PTPRD: variants seen among roughly 807,000 people sequenced by gnomAD.
PTPRD encodes receptor-type tyrosine-protein phosphatase delta.
PTPRD carries 34 observed loss-of-function variants against 214.5 expected under a neutral mutation model. The ratio of observed to expected loss-of-function variants is 0.16; its 90% CI spans 0.12 to 0.21. The LOEUF (loss-of-function observed/expected upper bound fraction) is 0.21. Ranked by LOEUF, PTPRD falls within the 10% of genes least tolerant of loss-of-function variation. The probability of loss-of-function intolerance (pLI) is 1.00; values close to 1 mark genes in which losing one functional copy is unlikely to be tolerated. For missense variants in PTPRD, 2,545 were observed against 2,398.7 expected (o/e 1.06, Z -1.27); for synonymous variants, 1,128 against 845.7 (o/e 1.33, Z -5.79).
chr9:8,770,030 C>A (rs939065118), intron 11 of PTPRD, among the ~76,000 whole-genome samples: 12 of 152,246 alleles, frequency 7.9e-5, no homozygotes, highest in African/African-American at 2.6e-4. Flanking sequence ...CCTGTAATCC[C>A]AGCACTTTGG....
intron 10 of PTPRD, among the ~76,000 whole-genome samples, chr9:9,058,474 G>T (rs1160742900): frequency 1.2e-4 from 3 of 24,986 alleles, no homozygotes; most frequent in African/African-American, 1.2e-4. Context: ...TTTTTGAGAC[G>T]GAGTCTCGCT....
chr9:10,462,989 A>G (rs1566220443), intron 2 of PTPRD, among the ~76,000 whole-genome samples: 1 of 150,288 alleles, frequency 6.7e-6, no homozygotes, highest in Non-Finnish European at 1.5e-5. Flanking sequence ...AATATATATT[A>G]TATATATGCC....
chr9:9,690,609 C>G (rs981374847), intron 7 of PTPRD, among the ~76,000 whole-genome samples: 1 of 151,988 alleles, frequency 6.6e-6, no homozygotes. Flanking sequence ...AGTTTTAAGT[C>G]TTAGATTTAA....
At chr9:9,821,876 A>ATG (rs1180319857) in intron 5 of PTPRD, among the ~76,000 whole-genome samples, 2 of 150,728 alleles carry the variant, frequency 1.3e-5, no homozygotes, top group African/African-American at 4.9e-5. Context: ...ATGCCTGTAT[A>ATG]TGTATGTGTG....
At chr9:10,384,036 G>A (rs757950907) in intron 2 of PTPRD, among the ~76,000 whole-genome samples, 1 of 149,434 alleles carries the variant, frequency 6.7e-6, no homozygotes, top group East Asian at 2.0e-4. Context: ...GAAGGGTAGT[G>A]CAGGGACTGA....
intron 2 of PTPRD, among the ~76,000 whole-genome samples, chr9:10,546,609 G>T (rs565464824): frequency 6.6e-6 from 1 of 151,820 alleles, no homozygotes; most frequent in Non-Finnish European, 1.5e-5. Context: ...ACAATTTCCT[G>T]GGTCAAAATA....
intron 8 of PTPRD, among the ~76,000 whole-genome samples, chr9:9,543,431 A>G (rs61234875): frequency 0.23 from 34,499 of 151,550 alleles, 4,264 homozygotes; most frequent in Non-Finnish European, 0.26. Context: ...TGGGCTTCAC[A>G]TTATATCAAT....
At chr9:9,623,010 A>G (rs966875446) in intron 7 of PTPRD, among the ~76,000 whole-genome samples, 3 of 152,192 alleles carry the variant, frequency 2.0e-5, no homozygotes, top group African/African-American at 7.2e-5. Flanking sequence ...TTGTGTGGTA[A>G]TAGAAAATGT....
At position 9,536,666 on chromosome 9, in the gene PTPRD, T is replaced by C. The variant is rs536758053; in HGVS notation, c.-237+38066A>G. On this transcript the variant is annotated intron_variant, in intron 8 of 45. Transcript: ENST00000381196. ...CAGCGCCGTCATCATTTTGGCATTC[T>C]ATTTTAGTCTAAGCCTACATCAGAA... Among the ~76,000 whole-genome samples, 3 of 152,182 alleles carry C rather than the reference T, an allele frequency of 2.0e-5. No homozygotes were observed. In the East Asian group the frequency reaches 5.8e-4, roughly 30 times the overall value.
intron 11 of PTPRD, among the ~76,000 whole-genome samples, chr9:9,000,068 G>T (rs1391687836): frequency 6.6e-6 from 1 of 151,916 alleles, no homozygotes; most frequent in Non-Finnish European, 1.5e-5. Context: ...GTAACTGGAG[G>T]CTCTGTGTGT....
intron 3 of PTPRD, among the ~76,000 whole-genome samples, chr9:10,036,506 GCA>G (rs59938783): frequency 0.26 from 36,393 of 141,838 alleles, 4,563 homozygotes; most frequent in South Asian, 0.32. Flanking sequence ...ACACACTCAT[GCA>G]CACACACACA....
rs548991826 is a variant in PTPRD at position 9,892,462 on chromosome 9, G to A, written c.-368+46045C>T. ...AGATCTAGGGCACAGTGAGCCAGAC[G>A]GAAAGTAAAAGTAGAGAAATTTGAA... On this transcript the variant is annotated intron_variant, in intron 5 of 45. Transcript: ENST00000381196. Among the ~76,000 whole-genome samples the A allele has an allele frequency of 3.9e-5, 6 of 152,144 alleles. No individual in the cohort carries two copies. The South Asian group carries it at 1.0e-3, about 26-fold the overall frequency.
At chr9:8,766,023 G>C (rs1439435943) in intron 11 of PTPRD, among the ~76,000 whole-genome samples, 1 of 151,940 alleles carries the variant, frequency 6.6e-6, no homozygotes, top group Non-Finnish European at 1.5e-5. Flanking sequence ...AATTGGAATA[G>C]CCCAGCATCA....
At chr9:8,538,808 C>T (rs1303032212) in intron 14 of PTPRD, among the ~76,000 whole-genome samples, 3 of 151,902 alleles carry the variant, frequency 2.0e-5, no homozygotes, top group African/African-American at 7.2e-5. Flanking sequence ...GCAATGGTCA[C>T]ACCTTGTATT....
At chr9:10,156,102 G>C (rs1008715020) in intron 3 of PTPRD, among the ~76,000 whole-genome samples, 1 of 150,980 alleles carries the variant, frequency 6.6e-6, no homozygotes, top group Non-Finnish European at 1.5e-5. Context: ...GTGTGTGTGT[G>C]TGTGTGTGTG....
intron 37 of PTPRD, among the ~76,000 whole-genome samples, chr9:8,384,279 G>T (rs2135403087): frequency 6.6e-6 from 1 of 152,112 alleles, no homozygotes. Flanking sequence ...CAATTCGTGT[G>T]CTTATTGGCA....
At chr9:10,218,547 A>G (rs2099551921) in intron 3 of PTPRD, among the ~76,000 whole-genome samples, 1 of 151,842 alleles carries the variant, frequency 6.6e-6, no homozygotes, top group African/African-American at 2.4e-5. Context: ...TTTATGAGCA[A>G]AGTCACCTAC....
chr9:9,134,375 T>C (rs1280679034), intron 10 of PTPRD, among the ~76,000 whole-genome samples: 1 of 152,090 alleles, frequency 6.6e-6, no homozygotes. Context: ...GCCCGTAGAA[T>C]CATTCTTGAC....
chr9:10,364,060 C>T (rs1178882848), intron 2 of PTPRD, among the ~76,000 whole-genome samples: 2 of 124,124 alleles, frequency 1.6e-5, no homozygotes, highest in South Asian at 2.8e-4. Context: ...AGTGCAGTGA[C>T]GTGATCTCGG....
Sources: gnomAD v4.1 joint callset for allele counts (sites outside exome capture counted in the v4.1 genomes callset) on GRCh38, gnomAD v4.1.1 for gene constraint, MANE v1.5 for transcripts, NCBI Gene and HGNC (gene_info 2026-07-23, HGNC 2026-07-21) for gene names.